Variants in DNAH12 observed in about 807,000 individuals in gnomAD.
The protein encoded by DNAH12 is dynein axonemal heavy chain 12.
Under a neutral mutation model 371.5 loss-of-function variants are expected in DNAH12, and 285 were observed. That is an observed-to-expected ratio of 0.77 (90% confidence interval 0.70 to 0.85). The LOEUF is 0.85. DNAH12 is among the 40% of genes least tolerant of loss of function. The probability of loss-of-function intolerance (pLI) is 0.00; values close to 1 mark genes in which losing one functional copy is unlikely to be tolerated. For missense variants in DNAH12, 3,611 were observed against 3,689.4 expected, an observed-to-expected ratio of 0.98 and a Z score of 0.55; for synonymous variants, 1,200 against 1,213.0, an observed-to-expected ratio of 0.99 and a Z score of 0.22.
At chr3:57,513,372 T>C (rs1043406892) in intron 4 of DNAH12, among the ~76,000 whole-genome samples, 22 of 151,922 alleles carry the variant, frequency 1.4e-4, no homozygotes, top group South Asian at 4.2e-4. Flanking sequence ...CACTGGGGGA[T>C]GGAGGGCAAG....
chr3:57,365,022 A>G (rs976539758), intron 57 of DNAH12, among the ~76,000 whole-genome samples: 1 of 152,220 alleles, frequency 6.6e-6, no homozygotes, highest in Non-Finnish European at 1.5e-5. Context: ...TGGGAATGTA[A>G]ATTAGTTTAA....
At chr3:57,392,668 A>G (rs2063649977) in intron 44 of DNAH12, among the ~76,000 whole-genome samples, 1 of 152,176 alleles carries the variant, frequency 6.6e-6, no homozygotes, top group Non-Finnish European at 1.5e-5. Context: ...AGGATAAAAT[A>G]ACTAAAAAAA....
rs187468682 is a variant in DNAH12 at position 57,337,682 on chromosome 3, A to G, written c.9675-2742T>C. On this transcript the variant is annotated intron_variant, in intron 60 of 73. Transcript: ENST00000495027. ...CTCAAAAAAATATATATATGTGTGTATATATATATATGCATCCAACACCAG... is the reference window on the plus strand; with the variant it reads ...CTCAAAAAAATATATATATGTGTGTGTATATATATATGCATCCAACACCAG... 3.0e-3 allele frequency among the ~76,000 whole-genome samples: 451 copies of G among 151,558 alleles called. 2 individuals are homozygous for G. The highest frequency in any genetic ancestry group is 0.01 in the African/African-American group (424 of 41,374).
intron 11 of DNAH12, among the ~76,000 whole-genome samples, chr3:57,501,080 C>T (rs897473981): frequency 6.6e-5 from 10 of 152,190 alleles, no homozygotes; most frequent in South Asian, 2.1e-4. Context: ...CATTCCCACC[C>T]TTTCATTTAT....
At chr3:57,428,943 T>A (rs1033483415) in intron 33 of DNAH12, 122 bp from the exon 34 acceptor site, 2 of 987,028 alleles carry the variant, frequency 2.0e-6, no homozygotes, top group Non-Finnish European at 2.9e-6. Flanking sequence ...CTGCTTCACA[T>A]AGCTTCACAC....
chr3:57,406,367 A>G (rs1308374881), intron 40 of DNAH12, among the ~76,000 whole-genome samples: 3 of 151,732 alleles, frequency 2.0e-5, no homozygotes, highest in African/African-American at 7.3e-5. Context: ...AAAAAAAAAA[A>G]AAAAGAAAAA....
intron 22 of DNAH12, among the ~76,000 whole-genome samples, chr3:57,455,278 A>G (rs2065869843): frequency 1.2e-5 from 1 of 83,406 alleles, no homozygotes; most frequent in African/African-American, 3.9e-5. Context: ...AGAAAAAACT[A>G]GTCAAGGCCA....
At chr3:57,314,354 G>C in intron 66 of DNAH12, 140 bp downstream of exon 66, 1 of 1,062,018 alleles carries the variant, frequency 9.4e-7, no homozygotes, top group Non-Finnish European at 1.4e-6. Context: ...GATGGAGATA[G>C]TGCTTCATAA....
At chr3:57,471,756 A>C in intron 14 of DNAH12, 150 bp from the exon 15 acceptor site, 2 of 671,940 alleles carry the variant, frequency 3.0e-6, no homozygotes, top group Non-Finnish European at 4.4e-6. Context: ...CTAATATAAA[A>C]ATGCAAAGAA....
intron 2 of DNAH12, among the ~76,000 whole-genome samples, chr3:57,539,933 C>T (rs992400920): frequency 1.3e-5 from 2 of 151,430 alleles, no homozygotes; most frequent in African/African-American, 2.4e-5. Context: ...CTTATTTCTT[C>T]GTAGCATCTA....
chr3:57,555,446 G>A, the DNAH12 span, among the ~76,000 whole-genome samples: 1 of 152,076 alleles, frequency 6.6e-6, no homozygotes, highest in African/African-American at 2.4e-5. Flanking sequence ...GGTTAGGCGG[G>A]AGGATCGCAC....
chr3:57,399,977 A>C (rs2063823464), intron 43 of DNAH12, among the ~76,000 whole-genome samples: 1 of 152,204 alleles, frequency 6.6e-6, no homozygotes, highest in Non-Finnish European at 1.5e-5. Flanking sequence ...ATTAGTAGTT[A>C]TGTTTTGGGG....
At chr3:57,396,453 A>G (rs2063744141) in intron 43 of DNAH12, among the ~76,000 whole-genome samples, 1 of 151,572 alleles carries the variant, frequency 6.6e-6, no homozygotes, top group Non-Finnish European at 1.5e-5. Context: ...GCTGGAGTAC[A>G]GTGGCATGAT....
chr3:57,550,103 G>A, the DNAH12 span, among the ~76,000 whole-genome samples: 1 of 152,016 alleles, frequency 6.6e-6, no homozygotes, highest in African/African-American at 2.4e-5. Flanking sequence ...GAGGCCAGGA[G>A]TGCAAGACCA....
chr3:57,374,523 CAAT>C (rs1575517985), intron 55 of DNAH12, among the ~76,000 whole-genome samples: 1 of 152,048 alleles, frequency 6.6e-6, no homozygotes, highest in East Asian at 1.9e-4. Flanking sequence ...ATCAGACTAA[CAAT>C]GATAGCTAAT....
chr3:57,448,860 A>AACCTTGAGCTAAAC (rs2065640289), intron 25 of DNAH12, among the ~76,000 whole-genome samples: 2 of 151,724 alleles, frequency 1.3e-5, no homozygotes, highest in Non-Finnish European at 2.9e-5. Context: ...TGCACTCACA[A>AACCTTGAGCTAAAC]ACCTTGAGCT....
intron 13 of DNAH12, among the ~76,000 whole-genome samples, chr3:57,483,018 A>G (rs2066800925): frequency 6.6e-6 from 1 of 151,926 alleles, no homozygotes; most frequent in Admixed American, 6.6e-5. Context: ...ACATGTATAC[A>G]TATGTAACTA....
intron 65 of DNAH12, among the ~76,000 whole-genome samples, chr3:57,320,721 GCC>G (rs367688434): frequency 4.6e-5 from 7 of 152,158 alleles, no homozygotes; most frequent in African/African-American, 1.7e-4. Flanking sequence ...AAATTCTTAA[GCC>G]TCACCCCAGA....
At chr3:57,309,121 T>C (rs772672554) in intron 69 of DNAH12, 30 bp downstream of exon 69, 6 of 1,463,042 alleles carry the variant, frequency 4.1e-6, no homozygotes, top group Non-Finnish European at 5.5e-6. Flanking sequence ...GACAGTTGCC[T>C]TCTGAATCAC....
Sources: allele counts gnomAD v4.1 joint callset (sites outside exome capture counted in the v4.1 genomes callset), GRCh38; gene constraint gnomAD v4.1.1; transcripts MANE v1.5; gene names NCBI Gene and HGNC (gene_info 2026-07-23, HGNC 2026-07-21).